Variants in AP5Z1 observed in about 807,000 individuals in gnomAD.
AP5Z1 encodes AP-5 complex subunit zeta-1.
Under a neutral mutation model 83.0 loss-of-function variants are expected in AP5Z1, and 106 were observed. The ratio of observed to expected loss-of-function variants is 1.28; its 90% CI spans 1.09 to 1.50. The LOEUF (loss-of-function observed/expected upper bound fraction) is 1.50. Among genes scored for constraint, AP5Z1 ranks in the 40% most tolerant of loss-of-function variants. The pLI, the probability that AP5Z1 is intolerant of heterozygous loss-of-function variation, is 0.00. For synonymous variants in AP5Z1, 751 were observed against 514.1 expected (o/e 1.46, Z -6.23); for missense variants, 1,565 against 1,094.2 (o/e 1.43, Z -6.07).
At position 4,792,321 on chromosome 7, in the gene AP5Z1, T is replaced by A. The variant is rs1469032173; in HGVS notation, c.*936T>A. ...CTCAAACTCTTCCCCCTCCCCACTC[T>A]GGCTCCGCCCCCGGTCTCCTCTTTT... On this transcript the variant is annotated 3_prime_UTR_variant, in exon 17 of 17. Coordinates refer to ENST00000649063, the MANE Select transcript of AP5Z1 (RefSeq NM_014855.3). 1.4e-5 allele frequency: 2 copies of A among 142,670 alleles called. No homozygotes were observed. Among genetic ancestry groups the A allele is most frequent in the Non-Finnish European group, 3.1e-5 (2 of 64,638 alleles). The allele number at this position is 142,670 out of a possible 1,614,324, so 8.8% of individuals were successfully genotyped here.
chr7:4,779,995 G>T (rs950757532), intron 1 of AP5Z1, among the ~76,000 whole-genome samples: 22 of 151,934 alleles, frequency 1.4e-4, no homozygotes, highest in African/African-American at 4.6e-4. Flanking sequence ...TGCCCAGGAT[G>T]GTCTCAGACA....
chr7:4,782,827 C>T (rs1202217897), intron 3 of AP5Z1, among the ~76,000 whole-genome samples: 1 of 152,314 alleles, frequency 6.6e-6, no homozygotes, highest in East Asian at 1.9e-4. Flanking sequence ...TGCTGCCAGG[C>T]GCCAGCGGTG....
Position 4,775,760 on chromosome 7 carries a change from C to T in AP5Z1, c.41+4C>T, listed in dbSNP as rs1370038625. 4 of 1,603,736 alleles carry T rather than the reference C, an allele frequency of 2.5e-6. No individual in the cohort carries two copies. The highest frequency in any genetic ancestry group is 1.3e-5 in the African/African-American group (1 of 74,884). On this transcript the variant is annotated splice_donor_region_variant and intron_variant, in intron 1 of 16. Transcript: ENST00000649063. The stretch of plus-strand genomic sequence containing the variant: ...AGAGTTTGCTCCACCAGGCCAGGTA[C>T]GGGGGAGCTGCGGCCCCGGCCCTCC...
intron 1 of AP5Z1, among the ~76,000 whole-genome samples, chr7:4,777,746 T>C (rs547866261): frequency 6.6e-6 from 1 of 151,956 alleles, no homozygotes; most frequent in East Asian, 1.9e-4. Context: ...TGGGCAGCCG[T>C]TTTTGAGGAT....
At chr7:4,777,905 T>G (rs1781269491) in intron 1 of AP5Z1, among the ~76,000 whole-genome samples, 1 of 152,218 alleles carries the variant, frequency 6.6e-6, no homozygotes, top group Non-Finnish European at 1.5e-5. Context: ...AATAAATGAC[T>G]GTAGTTTGAG....
chr7:4,781,388 C>A (rs1176712882), intron 2 of AP5Z1, 76 bp downstream of exon 2: 2 of 1,599,648 alleles, frequency 1.3e-6, no homozygotes, highest in Non-Finnish European at 1.7e-6. Flanking sequence ...CAGCAGGTCA[C>A]TGCAGATGCT....
At position 4,785,684 on chromosome 7, in the gene AP5Z1, G is replaced by A. The variant is rs777093701; in HGVS notation, c.1132G>A (p.Gly378Arg). The A allele has an allele frequency of 1.3e-4, 200 of 1,526,966 alleles. 1 individual carries two copies. In the Middle Eastern group the frequency reaches 1.9e-3, roughly 14 times the overall value. The allele number at this position is 1,526,966 out of a possible 1,614,324, so 94.6% of individuals were successfully genotyped here. The change falls in exon 9 of 17, where the codon GGG (glycine) becomes AGG (arginine). Residue 378 changes from glycine to arginine, a missense_variant and splice_region_variant. By Grantham distance (125) the Gly-to-Arg change is moderately radical (BLOSUM62 -2). Transcript: ENST00000649063. ...LPLAHFFLSH[G>R]EAAAVDSEAV... ...CCTCGCCCACTTCTTCCTGAGCCAC[G>A]GTGAGCCCAGGGTGGGGTGGCGCTG... is the stretch of plus-strand genomic sequence containing the variant.
chr7:4,784,126 TGAG>T lies in AP5Z1; in HGVS notation c.622-73_622-71del, dbSNP rs1285149606. ...TTCAGGCAGCTTCTCCTCCACCTCC[TGAG>T]GAGCTTGTGCTAAAGGCTGGCGTTT... is the stretch of plus-strand genomic sequence containing the variant. On this transcript the variant is annotated intron_variant, in intron 5 of 16. Coordinates refer to ENST00000649063, the MANE Select transcript of AP5Z1 (RefSeq NM_014855.3). 1.3e-5 allele frequency: 19 copies of T among 1,478,948 alleles called. No homozygotes were observed. In the East Asian group the frequency reaches 4.7e-4, roughly 37 times the overall value. The allele number at this position is 1,478,948 out of a possible 1,614,324, so 91.6% of individuals were successfully genotyped here. A position where few individuals can be genotyped will look rare whatever the true frequency, so the allele number is the denominator to read the frequency against.
At chr7:4,789,167 C>T (rs1331393201) in intron 13 of AP5Z1, 3 of 524,140 alleles carry the variant, frequency 5.7e-6, no homozygotes, top group Non-Finnish European at 6.8e-6. Flanking sequence ...CCCCGTTCCC[C>T]AGTCCCCGTC....
chr7:4,780,155 C>T (rs906065430), intron 1 of AP5Z1, among the ~76,000 whole-genome samples: 22 of 152,106 alleles, frequency 1.4e-4, no homozygotes, highest in African/African-American at 5.3e-4. Context: ...TTGGTTCTTT[C>T]TTTTAGACTG....
In AP5Z1 at chr7:4,785,470, A is replaced by G. The variant is rs375440942; in HGVS notation, c.969+18A>G. The stretch of plus-strand genomic sequence containing the variant: ...AGAAAGCTGTAAGTGGCTGGGGACC[A>G]GGGGATGGGAGGCAGCGACTCGGCC... On this transcript the variant is annotated intron_variant, in intron 8 of 16. Transcript: ENST00000649063. The G allele has an allele frequency of 1.7e-5, 28 of 1,612,814 alleles. No individual in the cohort carries two copies. The highest frequency in any genetic ancestry group is 2.3e-5 in the Non-Finnish European group (27 of 1,179,314).
chr7:4,789,774 A>C, intron 13 of AP5Z1, 58 bp from the exon 14 acceptor site: 1 of 1,424,914 alleles, frequency 7.0e-7, no homozygotes, highest in Non-Finnish European at 9.6e-7. Context: ...CTTCACCCCC[A>C]ACCTTAGGGC....
chr7:4,788,161 C>G lies in AP5Z1; in HGVS notation c.1462C>G (p.Pro488Ala). The G allele has an allele frequency of 6.4e-7, 1 of 1,551,858 alleles. No homozygotes were observed. Among genetic ancestry groups the G allele is most frequent in the Admixed American group, 1.9e-5 (1 of 51,508 alleles). The change falls in exon 12 of 17, where the codon CCG (proline) becomes GCG (alanine). Residue 488 changes from proline (P) to alanine (A), a missense_variant. By Grantham distance (27) the Pro-to-Ala change is conservative. Coordinates refer to ENST00000649063, the MANE Select transcript of AP5Z1 (RefSeq NM_014855.3). ...GGGCGTCTGTCCACGCAGGTCAGCA[C>G]CGGCTGCATCCGAGAGGCCACTCTG... ...AVLDLQLRSA[P>A]AASERPLWDT...
intron 14 of AP5Z1, 128 bp downstream of exon 14, chr7:4,790,057 C>T (rs1781705369): frequency 2.5e-6 from 3 of 1,184,778 alleles, no homozygotes; most frequent in Admixed American, 5.4e-5. Context: ...CAGCCTCAGA[C>T]CCTGCCACCC....
At position 4,785,535 on chromosome 7, in the gene AP5Z1, C is replaced by T. The variant is rs1190454971; in HGVS notation, c.983C>T (p.Ala328Val). 2.5e-6 allele frequency: 4 copies of T among 1,612,990 alleles called. No homozygotes were observed. Among genetic ancestry groups the T allele is most frequent in the Admixed American group, 1.7e-5 (1 of 59,942 alleles). ...SDLQKACLVE[A>V]VLVLDVLCRQ... is the part of the protein sequence containing the mutation. ...CATGTCCCGCAGTGCCTGGTGGAGGCCGTGCTGGTGCTGGACGTGCTGTGC... is the reference window on the plus strand; with the variant it reads ...CATGTCCCGCAGTGCCTGGTGGAGGTCGTGCTGGTGCTGGACGTGCTGTGC... Residue 328 changes from alanine to valine, a missense_variant, in exon 9 of 17, where the codon GCC becomes GTC. Physicochemically the swap from Ala to Val is moderately conservative, Grantham distance 64. Coordinates refer to ENST00000649063, the MANE Select transcript of AP5Z1 (RefSeq NM_014855.3).
At chr7:4,784,006 C>T (rs1361616622) in intron 5 of AP5Z1, among the ~76,000 whole-genome samples, 197 bp from the exon 6 acceptor site, 1 of 152,212 alleles carries the variant, frequency 6.6e-6, no homozygotes, top group Non-Finnish European at 1.5e-5. Context: ...AGTCCCAGGG[C>T]CTGCGGAGCA....
rs1228243492 is a variant in AP5Z1 at position 4,791,374 on chromosome 7, A to T, written c.2413A>T (p.Met805Leu). 35 of 1,605,856 alleles carry T rather than the reference A, an allele frequency of 2.2e-5. No homozygotes were observed. The Admixed American group carries it at 5.9e-4, about 27-fold the overall frequency. Residue 805 changes from methionine to leucine, a missense_variant, in exon 17 of 17, where the codon ATG (methionine) becomes TTG (leucine). By Grantham distance (15) the Met-to-Leu change is conservative. Transcript: ENST00000649063. ...GCTGGTGGAGAGGGAGGCCGGCCTC[A>T]TGCCAGGGTGAAGGGACAGTGGCCA... is the stretch of plus-strand genomic sequence containing the variant. ...SRLVEREAGLMPG is the reference protein window; with the variant it reads ...SRLVEREAGLLPG
rs879802859 is a variant in AP5Z1 at position 4,787,019 on chromosome 7, G to T, written c.1311+591G>T. Among the ~76,000 whole-genome samples the T allele has an allele frequency of 1.9e-4, 29 of 151,736 alleles. 1 individual carries two copies. The highest frequency in any genetic ancestry group is 1.9e-3 in the Admixed American group (29 of 15,242). ...ACTCCTGACCTCAGATGATCCTCCT[G>T]CCTTGACCTCCCAAAGTGCTGGGAT... On this transcript the variant is annotated intron_variant, in intron 10 of 16. Coordinates refer to ENST00000649063, the MANE Select transcript of AP5Z1 (RefSeq NM_014855.3).
At chr7:4,788,543 G>A in intron 12 of AP5Z1, 1 of 538,026 alleles carries the variant, frequency 1.9e-6, no homozygotes, top group Middle Eastern at 2.8e-4. Context: ...GGCCCTGTGG[G>A]TGCTCCATTT....
Sources: allele counts gnomAD v4.1 joint callset (sites outside exome capture counted in the v4.1 genomes callset), GRCh38; gene constraint gnomAD v4.1.1; transcripts MANE v1.5; gene names NCBI Gene and HGNC (gene_info 2026-07-23, HGNC 2026-07-21).